The following SLC9A9 variants were observed in gnomAD, a reference collection of about 807,000 sequenced individuals.
SLC9A9 encodes the protein sodium/hydrogen exchanger 9.
A neutral mutation model predicts 77.8 loss-of-function variants in SLC9A9; 62 were observed. The ratio of observed to expected loss-of-function variants is 0.80; its 90% confidence interval spans 0.65 to 0.98. The LOEUF (loss-of-function observed/expected upper bound fraction) is 0.98, where lower values mean the gene tolerates loss of function less well. Among genes scored for constraint, SLC9A9 ranks in the 50% least tolerant of loss-of-function variants. The pLI is 0.00. For missense variants in SLC9A9, 775 were observed against 774.9 expected (o/e 1.00, Z 0.00); for synonymous variants, 320 against 283.5 (o/e 1.13, Z -1.29).
At chr3:143,464,914 C>T (rs2035258411) in intron 12 of SLC9A9, among the ~76,000 whole-genome samples, 1 of 152,156 alleles carries the variant, frequency 6.6e-6, no homozygotes, top group African/African-American at 2.4e-5. Flanking sequence ...AGTTTTTCCC[C>T]TTTAGTTTTC....
At position 143,776,712 on chromosome 3, in the gene SLC9A9, ACT is replaced by A. The variant is rs148439369; in HGVS notation, c.533+18287_533+18288del. ...AGATATTAATTTAAAAATCAAGGAA[ACT>A]CTATAAAGGCAGGTTATTTTACTAG... On this transcript the variant is annotated intron_variant, in intron 4 of 15. Coordinates refer to ENST00000316549, the MANE Select transcript of SLC9A9 (RefSeq NM_173653.4). 3.5e-3 allele frequency among the ~76,000 whole-genome samples: 536 copies of A among 152,282 alleles called. 2 individuals are homozygous for A. Among genetic ancestry groups the A allele is most frequent in the African/African-American group, 0.013 (522 of 41,562 alleles).
intron 14 of SLC9A9, among the ~76,000 whole-genome samples, chr3:143,348,958 A>G (rs186575026): frequency 4.7e-4 from 71 of 152,330 alleles, no homozygotes; most frequent in African/African-American, 1.6e-3. Flanking sequence ...TCTGACTCCT[A>G]ATCTTGCTGC....
At chr3:143,424,490 G>A (rs1366590787) in intron 12 of SLC9A9, among the ~76,000 whole-genome samples, 2 of 151,688 alleles carry the variant, frequency 1.3e-5, no homozygotes, top group Non-Finnish European at 2.9e-5. Flanking sequence ...TGTTAGCCAG[G>A]ATGGTCTCAA....
At chr3:143,267,344 A>AATT (rs1937755104) in intron 15 of SLC9A9, among the ~76,000 whole-genome samples, 1 of 110,804 alleles carries the variant, frequency 9.0e-6, no homozygotes, top group Non-Finnish European at 1.7e-5. Flanking sequence ...AGTTATTGCT[A>AATT]CTTTTTTTTT....
At chr3:143,358,370 T>C (rs1185750531) in intron 14 of SLC9A9, among the ~76,000 whole-genome samples, 1 of 152,208 alleles carries the variant, frequency 6.6e-6, no homozygotes, top group Non-Finnish European at 1.5e-5. Flanking sequence ...AACTTGCCAA[T>C]CCATTGTTCT....
chr3:143,743,568 G>C (rs915744526), intron 4 of SLC9A9, among the ~76,000 whole-genome samples: 2 of 152,176 alleles, frequency 1.3e-5, no homozygotes, highest in Admixed American at 1.3e-4. Context: ...TTGGGTTTCT[G>C]TTTTGTTTTG....
At chr3:143,823,181 A>T (rs1210313516) in intron 2 of SLC9A9, among the ~76,000 whole-genome samples, 2 of 152,164 alleles carry the variant, frequency 1.3e-5, no homozygotes, top group East Asian at 1.9e-4. Flanking sequence ...TGACCACTAA[A>T]CAGACCTAGT....
At chr3:143,423,540 G>T (rs1190153067) in intron 12 of SLC9A9, among the ~76,000 whole-genome samples, 1 of 152,024 alleles carries the variant, frequency 6.6e-6, no homozygotes, top group Non-Finnish European at 1.5e-5. Flanking sequence ...GATTAAAGGG[G>T]CTCCTAGTGG....
chr3:143,445,805 A>C (rs1381873955), intron 12 of SLC9A9, among the ~76,000 whole-genome samples: 1 of 152,214 alleles, frequency 6.6e-6, no homozygotes, highest in African/African-American at 2.4e-5. Flanking sequence ...AATCCAAGTG[A>C]AGAAAGTGTT....
chr3:143,611,817 C>G (rs1336426653), intron 6 of SLC9A9, among the ~76,000 whole-genome samples: 1 of 152,050 alleles, frequency 6.6e-6, no homozygotes, highest in African/African-American at 2.4e-5. Context: ...CACTCCAGTC[C>G]CGACCTCCTG....
intron 6 of SLC9A9, among the ~76,000 whole-genome samples, chr3:143,587,573 G>GTCAGGCTGGAT (rs1406664526): frequency 7.1e-6 from 1 of 140,554 alleles, no homozygotes; most frequent in Admixed American, 7.0e-5. Flanking sequence ...TCAGGCTGGA[G>GTCAGGCTGGAT]TCAGGCTGGA....
At chr3:143,822,627 G>T (rs749408176) in intron 2 of SLC9A9, among the ~76,000 whole-genome samples, 1 of 152,330 alleles carries the variant, frequency 6.6e-6, no homozygotes, top group South Asian at 2.1e-4. Flanking sequence ...CCTCAGGAGA[G>T]AACAGGGAAA....
intron 14 of SLC9A9, among the ~76,000 whole-genome samples, chr3:143,301,465 C>T (rs1181231743): frequency 6.6e-6 from 1 of 152,184 alleles, no homozygotes; most frequent in African/African-American, 2.4e-5. Context: ...TTTCTTGGCC[C>T]TCTAGTGGAA....
At chr3:143,713,894 A>T (rs540663347) in intron 4 of SLC9A9, among the ~76,000 whole-genome samples, 1 of 152,314 alleles carries the variant, frequency 6.6e-6, no homozygotes. Context: ...AATTAACAAT[A>T]TTTTCTAGCA....
intron 6 of SLC9A9, among the ~76,000 whole-genome samples, chr3:143,619,566 G>A (rs1419046447): frequency 3.3e-5 from 5 of 152,130 alleles, no homozygotes; most frequent in Admixed American, 2.0e-4. Context: ...CGTTGCCCTA[G>A]ATAAAAATTC....
intron 4 of SLC9A9, among the ~76,000 whole-genome samples, chr3:143,721,779 A>G (rs1934505730): frequency 6.6e-6 from 1 of 152,202 alleles, no homozygotes; most frequent in Non-Finnish European, 1.5e-5. Context: ...AGGAAGGAGA[A>G]AAATAGCCAC....
intron 9 of SLC9A9, among the ~76,000 whole-genome samples, chr3:143,521,720 T>C (rs893359677): frequency 6.6e-6 from 1 of 152,150 alleles, no homozygotes; most frequent in African/African-American, 2.4e-5. Context: ...GGTGGATTAC[T>C]CTTAATACCC....
chr3:143,365,128 A>G (rs2032862469), intron 13 of SLC9A9, among the ~76,000 whole-genome samples: 3 of 152,200 alleles, frequency 2.0e-5, no homozygotes, highest in African/African-American at 7.2e-5. Context: ...CTTTTGCAGG[A>G]ACATGGATGG....
chr3:143,555,070 C>T (rs1478828254), intron 8 of SLC9A9, among the ~76,000 whole-genome samples: 2 of 152,130 alleles, frequency 1.3e-5, no homozygotes, highest in Non-Finnish European at 1.5e-5. Context: ...TTGTAGTTCT[C>T]ATAATTCCCA....
Sources: allele counts gnomAD v4.1 joint callset (sites outside exome capture counted in the v4.1 genomes callset), GRCh38; gene constraint gnomAD v4.1.1; transcripts MANE v1.5; gene names NCBI Gene and HGNC (gene_info 2026-07-23, HGNC 2026-07-21).